The following VCF2 variants were observed in gnomAD, a reference collection of about 807,000 sequenced individuals.
The protein encoded by VCF2 is VCP nuclear cofactor family member 2.
chrX:55,145,300 TTTTG>T, the VCF2 span: 89 of 738,786 alleles, frequency 1.2e-4, no homozygotes, highest in Admixed American at 1.7e-4. Flanking sequence ...CGTAATAAAT[TTTTG>T]TTTAAGACAA....
At chrX:55,160,838 C>A in the VCF2 span, 2 of 1,155,995 alleles carry the variant, frequency 1.7e-6, no homozygotes, top group East Asian at 6.5e-5. Context: ...ACCTCACCCC[C>A]GCCTCCAGGG....
the VCF2 span, among the ~76,000 whole-genome samples, chrX:55,146,847 T>C: frequency 2.7e-5 from 3 of 112,607 alleles, no homozygotes; most frequent in African/African-American, 9.7e-5. Context: ...ATGGTGGACA[T>C]GTATGGTCTT....
At chrX:55,159,002 T>C in the VCF2 span, 1 of 454,835 alleles carries the variant, frequency 2.2e-6, no homozygotes, top group Non-Finnish European at 3.4e-6. Context: ...AAAGCCACTG[T>C]AATCAAGCAA....
chrX:55,149,823 TG>T, the VCF2 span, among the ~76,000 whole-genome samples: 1 of 112,297 alleles, frequency 8.9e-6, no homozygotes, highest in Non-Finnish European at 1.9e-5. Flanking sequence ...ACAGATTTAA[TG>T]GGCCTCATGT....
chrX:55,159,269 A>G, the VCF2 span: 3 of 1,082,205 alleles, frequency 2.8e-6, no homozygotes, highest in African/African-American at 3.7e-5. Flanking sequence ...ACATGAAACA[A>G]CTGATCTTTT....
chrX:55,151,562 G>C, the VCF2 span, among the ~76,000 whole-genome samples: 4 of 112,372 alleles, frequency 3.6e-5, no homozygotes, highest in African/African-American at 1.3e-4. Context: ...AGTTATTCTT[G>C]CTGACTTTAT....
chrX:55,154,246 C>T, the VCF2 span, among the ~76,000 whole-genome samples: 298 of 111,833 alleles, frequency 2.7e-3, 1 homozygote, highest in African/African-American at 9.1e-3. Context: ...CCTCAGCCTC[C>T]CAAAGTGCAA....
the VCF2 span, chrX:55,160,645 G>A: frequency 4.3e-6 from 2 of 467,675 alleles, no homozygotes; most frequent in Non-Finnish European, 7.2e-6. Flanking sequence ...CGTTTGTAAT[G>A]AAAGAATACA....
At chrX:55,151,163 A>G in the VCF2 span, among the ~76,000 whole-genome samples, 2,299 of 112,426 alleles carry the variant, frequency 0.02, 28 homozygotes, top group Admixed American at 0.067. Context: ...CAAAAAATTG[A>G]TAAGACTCTG....
the VCF2 span, among the ~76,000 whole-genome samples, chrX:55,151,809 T>TTTCA: frequency 9.0e-6 from 1 of 111,487 alleles, no homozygotes; most frequent in Non-Finnish European, 1.9e-5. Flanking sequence ...AAAATAATGT[T>TTTCA]TTCATTTTTT....
the VCF2 span, among the ~76,000 whole-genome samples, chrX:55,144,361 T>G: frequency 9.0e-6 from 1 of 111,713 alleles, no homozygotes; most frequent in Non-Finnish European, 1.9e-5. Context: ...CCATAAAACC[T>G]TTTAGAATTT....
At chrX:55,153,696 T>A in the VCF2 span, among the ~76,000 whole-genome samples, 1 of 111,556 alleles carries the variant, frequency 9.0e-6, no homozygotes, top group Non-Finnish European at 1.9e-5. Flanking sequence ...ACTACAAATA[T>A]ATTTCTTTTG....
chrX:55,147,634 G>GTTTTTTTT, the VCF2 span, among the ~76,000 whole-genome samples: 29 of 54,085 alleles, frequency 5.4e-4, no homozygotes, highest in Non-Finnish European at 6.0e-4. Flanking sequence ...GGCTTTCCTT[G>GTTTTTTTT]TTTTTTTTTT....
the VCF2 span, among the ~76,000 whole-genome samples, chrX:55,150,080 A>G: frequency 1.8e-5 from 2 of 112,284 alleles, no homozygotes; most frequent in African/African-American, 6.5e-5. Context: ...CAAAAGAGAC[A>G]TATTTGGGTT....
At chrX:55,148,481 A>G in the VCF2 span, among the ~76,000 whole-genome samples, 1 of 110,431 alleles carries the variant, frequency 9.1e-6, no homozygotes, top group Non-Finnish European at 1.9e-5. Context: ...TTACCTCTTT[A>G]TAAATATAAA....
the VCF2 span, among the ~76,000 whole-genome samples, chrX:55,156,061 C>T: frequency 9.3e-6 from 1 of 107,674 alleles, no homozygotes; most frequent in Non-Finnish European, 1.9e-5. Context: ...AAGCGATTCT[C>T]CTGCCTCAGC....
the VCF2 span, among the ~76,000 whole-genome samples, chrX:55,151,984 C>T: frequency 3.0e-3 from 298 of 100,881 alleles, 1 homozygote; most frequent in African/African-American, 0.01. Context: ...CTCCGCCTCC[C>T]GGGTTCACGC....
At chrX:55,143,805 G>A in the VCF2 span, 661 of 1,203,963 alleles carry the variant, frequency 5.5e-4, 3 homozygotes, top group African/African-American at 9.1e-3. Flanking sequence ...CTTCCCTGCT[G>A]TGAAGTATTG....
chrX:55,149,327 C>T, the VCF2 span, among the ~76,000 whole-genome samples: 2 of 111,337 alleles, frequency 1.8e-5, no homozygotes, highest in Non-Finnish European at 3.8e-5. Flanking sequence ...ACTATATCCA[C>T]GTAACTTTCT....
Sources: allele counts gnomAD v4.1 joint callset (sites outside exome capture counted in the v4.1 genomes callset), GRCh38; gene constraint gnomAD v4.1.1; transcripts MANE v1.5; gene names NCBI Gene and HGNC (gene_info 2026-07-23, HGNC 2026-07-21).